ZBED4: variants seen among roughly 807,000 people sequenced by gnomAD.
The protein encoded by ZBED4 is zinc finger BED domain-containing protein 4.
A neutral mutation model predicts 15.5 loss-of-function variants in ZBED4; 4 were observed. The observed-to-expected ratio is 0.26, with a 90% confidence interval of 0.13 to 0.59. The LOEUF (loss-of-function observed/expected upper bound fraction) is 0.59. Among genes scored for constraint, ZBED4 ranks in the 20% least tolerant of loss-of-function variants. ZBED4 has a pLI of 0.90. For synonymous variants in ZBED4, 692 were observed against 608.5 expected (o/e 1.14, Z -2.02); for missense variants, 1,323 against 1,461.8 (o/e 0.91, Z 1.55).
chr22:49,862,738 G>T (rs561172929), intron 1 of ZBED4, among the ~76,000 whole-genome samples: 1 of 106,606 alleles, frequency 9.4e-6, no homozygotes, highest in Admixed American at 1.5e-4. Flanking sequence ...GTCTTGCTCT[G>T]TCGCCCAGGC....
chr22:49,871,907 A>T (rs1330011406), intron 1 of ZBED4, among the ~76,000 whole-genome samples: 1 of 151,882 alleles, frequency 6.6e-6, no homozygotes, highest in African/African-American at 2.4e-5. Context: ...CAACATGCCC[A>T]GCTAATTTTT....
At chr22:49,880,757 A>T (rs2060404967) in intron 1 of ZBED4, among the ~76,000 whole-genome samples, 1 of 152,182 alleles carries the variant, frequency 6.6e-6, no homozygotes, top group African/African-American at 2.4e-5. Context: ...TCTGTTTATC[A>T]GCTACTGCAA....
intron 1 of ZBED4, among the ~76,000 whole-genome samples, chr22:49,863,597 A>G (rs1300338048): frequency 1.3e-5 from 2 of 151,572 alleles, no homozygotes; most frequent in African/African-American, 4.9e-5. Context: ...ACCGCACTCC[A>G]GCCTGGGGAC....
At position 49,885,214 on chromosome 22, in the gene ZBED4, G is replaced by A. The variant is rs751464773; in HGVS notation, c.1552G>A (p.Ala518Thr). Reference protein sequence around the residue: ...VVGSQKGFLGASLANSPYATL... With the variant: ...VVGSQKGFLGTSLANSPYATL... ...CGGGAGCCAGAAGGGCTTCCTGGGT[G>A]CAAGTCTGGCAAACTCTCCGTATGC... The change falls in exon 2 of 2, where the codon GCA becomes ACA. Residue 518 changes from alanine (A) to threonine (T), a missense_variant. This residue lies in a region of ZBED4 where 429 missense variants were observed against 397.9 expected (regional missense o/e 1.08). Coordinates refer to ENST00000216268, the MANE Select transcript of ZBED4 (RefSeq NM_014838.3). The A allele has an allele frequency of 1.4e-5, 22 of 1,613,360 alleles. No homozygotes were observed. The East Asian group carries it at 4.7e-4, about 34-fold the overall frequency.
intron 1 of ZBED4, among the ~76,000 whole-genome samples, chr22:49,858,596 C>T (rs1314788919): frequency 3.9e-5 from 6 of 152,324 alleles, no homozygotes; most frequent in African/African-American, 7.2e-5. Context: ...CCACCTGGCA[C>T]GTGCTGAACT....
intron 1 of ZBED4, among the ~76,000 whole-genome samples, chr22:49,864,853 C>G (rs1044846714): frequency 7.8e-6 from 1 of 128,912 alleles, no homozygotes; most frequent in Non-Finnish European, 1.6e-5. Flanking sequence ...CTGATTAAAC[C>G]GTCGTAGAGC....
intron 1 of ZBED4, among the ~76,000 whole-genome samples, chr22:49,866,210 C>T (rs2060321948): frequency 1.3e-5 from 2 of 152,124 alleles, no homozygotes. Flanking sequence ...GTCCCTTTCA[C>T]TATGTGGCTT....
chr22:49,857,097 C>T (rs923091894), intron 1 of ZBED4, among the ~76,000 whole-genome samples: 1 of 152,232 alleles, frequency 6.6e-6, no homozygotes, highest in African/African-American at 2.4e-5. Flanking sequence ...GGCTGACTTC[C>T]TCCAAAGCTG....
chr22:49,872,831 G>T (rs772186193), intron 1 of ZBED4, among the ~76,000 whole-genome samples: 2 of 151,646 alleles, frequency 1.3e-5, no homozygotes, highest in African/African-American at 4.9e-5. Flanking sequence ...TCAGCCTCCC[G>T]AGTAGCTGGG....
At chr22:49,874,672 C>CATTTTTT (rs2060366945) in intron 1 of ZBED4, among the ~76,000 whole-genome samples, 1 of 37,314 alleles carries the variant, frequency 2.7e-5, no homozygotes. Context: ...CATGCCCAGC[C>CATTTTTT]TTTTTTTTTT....
At chr22:49,858,058 C>T (rs766931075) in intron 1 of ZBED4, among the ~76,000 whole-genome samples, 3 of 152,078 alleles carry the variant, frequency 2.0e-5, no homozygotes, top group Non-Finnish European at 4.4e-5. Context: ...TGAGCCACCG[C>T]GCCCAGCCAG....
In ZBED4 at chr22:49,886,080, C is replaced by T. The variant is rs141200268; in HGVS notation, c.2418C>T (p.Thr806=). 35 of 679,630 alleles carry T rather than the reference C, an allele frequency of 5.1e-5. 1 individual carries two copies. Among genetic ancestry groups the T allele is most frequent in the African/African-American group, 4.1e-4 (23 of 55,796 alleles). The allele number at this position is 679,630 out of a possible 1,614,324, so 42.1% of individuals were successfully genotyped here. A position where few individuals can be genotyped will look rare whatever the true frequency, so the allele number is the denominator to read the frequency against. ...CCACCGGCCTTCAGGTGGGCATCAC[C>T]GTCACCGACAACGCCAGCATCGGGA... is the stretch of plus-strand genomic sequence containing the variant. The part of the protein sequence containing the change: ...VTSTGLQVGI[T]VTDNASIGKT... The change falls in exon 2 of 2, where the codon ACC becomes ACT. Residue 806 remains threonine, a synonymous_variant. Transcript: ENST00000216268. This position sits in a 1 kb window ranked among gnomAD's most constrained non-coding sequence, Gnocchi z 7.7.
intron 1 of ZBED4, among the ~76,000 whole-genome samples, chr22:49,868,974 A>T (rs1027473545): frequency 5.4e-5 from 7 of 129,202 alleles, no homozygotes; most frequent in Non-Finnish European, 1.2e-4. Flanking sequence ...AAAAAAAAAA[A>T]TTAGCTGGGT....
At position 49,883,916 on chromosome 22, in the gene ZBED4, C is replaced by T. The variant is rs749263038; in HGVS notation, c.254C>T (p.Ala85Val). 6.9e-5 allele frequency: 111 copies of T among 1,609,414 alleles called. No homozygotes were observed. Among genetic ancestry groups the T allele is most frequent in the Non-Finnish European group, 8.9e-5 (105 of 1,177,190 alleles). ...LSAESEDDYG[A>V]LFSQYSSTLY... ...GCAGAGAGTGAGGATGACTATGGCGCGCTGTTCTCCCAGTACAGCAGCACC... is the reference window on the plus strand; with the variant it reads ...GCAGAGAGTGAGGATGACTATGGCGTGCTGTTCTCCCAGTACAGCAGCACC... The change falls in exon 2 of 2, where the codon GCG becomes GTG. Residue 85 changes from alanine (A) to valine (V), a missense_variant. Ala to Val is a moderately conservative substitution (Grantham distance 64). This residue lies in a region of ZBED4 where 380 missense variants were observed against 413.7 expected (regional missense o/e 0.92). Coordinates refer to ENST00000216268, the MANE Select transcript of ZBED4 (RefSeq NM_014838.3).
chr22:49,858,739 G>A (rs2060285271), intron 1 of ZBED4, among the ~76,000 whole-genome samples: 1 of 152,172 alleles, frequency 6.6e-6, no homozygotes, highest in African/African-American at 2.4e-5. Context: ...TGTGTCCCTT[G>A]GCGTCATCCA....
intron 1 of ZBED4, among the ~76,000 whole-genome samples, chr22:49,878,752 G>T (rs149835766): frequency 6.6e-6 from 1 of 152,004 alleles, no homozygotes; most frequent in Non-Finnish European, 1.5e-5. Context: ...ACTAGTAAAA[G>T]AATTAGAAGA....
chr22:49,885,821 T>A lies in ZBED4; in HGVS notation c.2159T>A (p.Leu720His). Residue 720 changes from leucine (L) to histidine (H), a missense_variant, in exon 2 of 2, where the codon CTT becomes CAT. Leu to His is a moderately conservative substitution (Grantham distance 99). Around this residue, in one of 6 missense-constraint regions of ZBED4, gnomAD observed 89 missense variants for 129.8 expected, o/e 0.69. Transcript: ENST00000216268. Reference sequence around the variant, plus strand: ...GTGAAGCAGATAATTATGTCCCACCTTAAGGAAGCTGAGAGTGGTGTGATC... The same window carrying A: ...GTGAAGCAGATAATTATGTCCCACCATAAGGAAGCTGAGAGTGGTGTGATC... ...DNVKQIIMSHLKEAESGVIHF... is the reference protein window; with the variant it reads ...DNVKQIIMSHHKEAESGVIHF... 1 of 1,574,238 alleles carries A rather than the reference T, an allele frequency of 6.4e-7. No individual in the cohort carries two copies. Among genetic ancestry groups the A allele is most frequent in the Non-Finnish European group, 8.7e-7 (1 of 1,144,264 alleles).
chr22:49,862,719 T>TC (rs1376315148), intron 1 of ZBED4, among the ~76,000 whole-genome samples: 3 of 105,056 alleles, frequency 2.9e-5, no homozygotes, highest in African/African-American at 8.4e-5. Context: ...TTTTTTTTTT[T>TC]AGACTTAAGT....
chr22:49,864,112 C>T (rs1967469471), intron 1 of ZBED4, among the ~76,000 whole-genome samples: 1 of 152,204 alleles, frequency 6.6e-6, no homozygotes, highest in Non-Finnish European at 1.5e-5. Flanking sequence ...CAGGTGCTCA[C>T]TGCTGTTGGG....
Sources: gnomAD v4.1 joint callset for allele counts (sites outside exome capture counted in the v4.1 genomes callset) on GRCh38, gnomAD v4.1.1 for gene constraint, gnomAD v4.1.1 regional missense constraint, Gnocchi (gnomAD v3.1) non-coding constraint, MANE v1.5 for transcripts, NCBI Gene and HGNC (gene_info 2026-07-23, HGNC 2026-07-21) for gene names.